The following KANK1 variants were observed in gnomAD, a reference collection of about 807,000 sequenced individuals.
KANK1 encodes KN motif and ankyrin repeat domain-containing protein 1.
A neutral mutation model predicts 106.2 loss-of-function variants in KANK1; 109 were observed. The ratio of observed to expected loss-of-function variants is 1.03; its 90% confidence interval spans 0.88 to 1.20. The LOEUF is 1.20. Ranked by LOEUF, KANK1 falls within the 50% of genes most tolerant of loss-of-function variation. KANK1 has a pLI of 0.00. For synonymous variants in KANK1, 873 were observed against 652.2 expected (o/e 1.34, Z -5.16); for missense variants, 2,399 against 1,710.7 (o/e 1.40, Z -7.10).
At chr9:488,654 C>T (rs2058331645) in intron 3 of KANK1, among the ~76,000 whole-genome samples, 1 of 152,136 alleles carries the variant, frequency 6.6e-6, no homozygotes, top group African/African-American at 2.4e-5. Context: ...AAAAATGCTG[C>T]ATACAGACAG....
At chr9:635,835 G>A (rs6477061) in intron 1 of KANK1, among the ~76,000 whole-genome samples, 98,437 of 151,238 alleles carry the variant, frequency 0.65, 34,536 homozygotes, top group African/African-American at 0.9. Context: ...AGTAGCTGGC[G>A]GTACAGGTGC....
At chr9:486,930 A>G (rs2058303322) in intron 3 of KANK1, among the ~76,000 whole-genome samples, 1 of 152,238 alleles carries the variant, frequency 6.6e-6, no homozygotes, top group Non-Finnish European at 1.5e-5. Flanking sequence ...GCAGTAAAAA[A>G]CTAGATGACT....
At chr9:682,383 A>T (rs1817737576) in intron 2 of KANK1, among the ~76,000 whole-genome samples, 1 of 152,186 alleles carries the variant, frequency 6.6e-6, no homozygotes, top group Non-Finnish European at 1.5e-5. Context: ...TCTTATTTTT[A>T]GTATTTATTT....
chr9:608,634 G>A (rs1361979984), intron 1 of KANK1, among the ~76,000 whole-genome samples: 2 of 149,076 alleles, frequency 1.3e-5, no homozygotes, highest in South Asian at 2.1e-4. Flanking sequence ...ACATCATCAC[G>A]ACTGACTGAT....
intron 1 of KANK1, among the ~76,000 whole-genome samples, chr9:605,456 A>G (rs934548094): frequency 6.6e-6 from 1 of 151,756 alleles, no homozygotes; most frequent in African/African-American, 2.4e-5. Context: ...CCTGGAGGAG[A>G]AAGTGCGTAC....
Position 684,091 on chromosome 9 carries a change from C to A in KANK1, c.37+7082C>A, listed in dbSNP as rs1173805942. 10 of 874,540 alleles carry A rather than the reference C, an allele frequency of 1.1e-5. No homozygotes were observed. The East Asian group carries it at 1.1e-3, about 100-fold the overall frequency. 54.2% of individuals were successfully genotyped at this position (874,540 alleles called of 1,614,324 possible). On this transcript the variant is annotated intron_variant, in intron 2 of 11. Transcript: ENST00000382297. ...CAGCCCCCGGAGAGGTTTTGAAAAG[C>A]CCCTGGCTCATCAGAGCTTGCTTGT...
chr9:620,485 C>G (rs181402525), intron 1 of KANK1, among the ~76,000 whole-genome samples: 1 of 152,000 alleles, frequency 6.6e-6, no homozygotes. Flanking sequence ...TCACGGCAAC[C>G]TACACCTCCC....
chr9:666,327 T>C (rs1159495652), intron 1 of KANK1, among the ~76,000 whole-genome samples: 1 of 152,232 alleles, frequency 6.6e-6, no homozygotes, highest in Non-Finnish European at 1.5e-5. Context: ...CCTGCAGCTT[T>C]ACTGAATTCA....
At chr9:580,214 G>T (rs376602480) in intron 1 of KANK1, among the ~76,000 whole-genome samples, 1 of 151,970 alleles carries the variant, frequency 6.6e-6, no homozygotes, top group East Asian at 1.9e-4. Context: ...CGTTCCTCCG[G>T]TCTGGAGTTG....
chr9:522,432 CTCTT>C (rs1052494619), intron 1 of KANK1, among the ~76,000 whole-genome samples: 3 of 151,598 alleles, frequency 2.0e-5, no homozygotes, highest in African/African-American at 7.3e-5. Context: ...CTCACTCCGT[CTCTT>C]TCATGGTTTT....
intron 1 of KANK1, among the ~76,000 whole-genome samples, chr9:550,439 A>T (rs1056209973): frequency 6.6e-6 from 1 of 152,204 alleles, no homozygotes; most frequent in African/African-American, 2.4e-5. Flanking sequence ...GCAAGAACAG[A>T]TAAGGTATCT....
intron 1 of KANK1, among the ~76,000 whole-genome samples, chr9:556,797 T>G (rs2061615428): frequency 6.6e-6 from 1 of 152,168 alleles, no homozygotes; most frequent in Non-Finnish European, 1.5e-5. Context: ...TTTAATTCTT[T>G]TAGTTGAATG....
intron 8 of KANK1, among the ~76,000 whole-genome samples, chr9:738,867 T>TA (rs1209619576): frequency 6.6e-6 from 1 of 152,178 alleles, no homozygotes; most frequent in Non-Finnish European, 1.5e-5. Flanking sequence ...GAGTGCTGCT[T>TA]ACAGGCCCAG....
chr9:710,617 A>G (rs919253607), intron 2 of KANK1, among the ~76,000 whole-genome samples, 187 bp from the exon 3 acceptor site: 6 of 100,772 alleles, frequency 6.0e-5, no homozygotes, highest in Admixed American at 3.7e-4. Context: ...ACCTGTCTCA[A>G]AAAAAAAAAA....
chr9:668,825 G>A (rs867774130), intron 1 of KANK1, among the ~76,000 whole-genome samples: 4 of 152,114 alleles, frequency 2.6e-5, no homozygotes, highest in African/African-American at 9.7e-5. Flanking sequence ...GGATGAAACT[G>A]TTCTACCTCA....
intron 1 of KANK1, among the ~76,000 whole-genome samples, chr9:569,928 A>G (rs1486341777): frequency 1.3e-5 from 2 of 152,036 alleles, no homozygotes; most frequent in South Asian, 4.2e-4. Flanking sequence ...GTAACACTTG[A>G]TACGTTGTAA....
chr9:705,365 A>T (rs1823796488), intron 2 of KANK1, among the ~76,000 whole-genome samples: 1 of 152,132 alleles, frequency 6.6e-6, no homozygotes, highest in Non-Finnish European at 1.5e-5. Context: ...ACACGCCTGT[A>T]ATCCCAGCTC....
intron 1 of KANK1, among the ~76,000 whole-genome samples, chr9:527,040 C>T (rs189242914): frequency 2.0e-4 from 31 of 151,846 alleles, no homozygotes; most frequent in Admixed American, 7.2e-4. Flanking sequence ...ACAGCTTTTG[C>T]CCACCCAGAG....
intron 3 of KANK1, 90 bp from the exon 4 acceptor site, chr9:729,961 T>A: frequency 8.7e-7 from 1 of 1,151,376 alleles, no homozygotes; most frequent in Non-Finnish European, 1.2e-6. Context: ...TAGTCCCATT[T>A]TAAATTATGA....
Sources: allele counts gnomAD v4.1 joint callset (sites outside exome capture counted in the v4.1 genomes callset), GRCh38; gene constraint gnomAD v4.1.1; transcripts MANE v1.5; gene names NCBI Gene and HGNC (gene_info 2026-07-23, HGNC 2026-07-21).